The following NUP210 variants were observed in gnomAD, a reference collection of about 807,000 sequenced individuals.
NUP210 encodes nuclear pore membrane glycoprotein 210.
Under a neutral mutation model 196.0 loss-of-function variants are expected in NUP210, and 151 were observed. That is an observed-to-expected ratio of 0.77 (90% CI 0.67 to 0.88). The LOEUF is 0.88. Ranked by LOEUF, NUP210 falls within the 40% of genes least tolerant of loss-of-function variation. NUP210 has a pLI of 0.00. For synonymous variants in NUP210, 1,070 were observed against 1,052.7 expected (o/e 1.02, Z -0.32); for missense variants, 2,314 against 2,493.7 (o/e 0.93, Z 1.53).
chr3:13,358,530 C>T, intron 15 of NUP210, 135 bp from the exon 16 acceptor site: 1 of 829,230 alleles, frequency 1.2e-6, no homozygotes, highest in Non-Finnish European at 1.9e-6. Context: ...GATACCCATG[C>T]CACAGGGTCT....
chr3:13,377,531 C>G lies in NUP210; in HGVS notation c.1077G>C (p.Val359=), dbSNP rs765947318. ...TTTCATACAGGCGGCCGGTCTCCAGCACCCACCTGTCACCAGGGTGAACAG... is the reference window on the plus strand; with the variant it reads ...TTTCATACAGGCGGCCGGTCTCCAGGACCCACCTGTCACCAGGGTGAACAG... The part of the protein sequence containing the change: ...GFTVHPGDRW[V]LETGRLYEIT... The change falls in exon 9 of 40, where the codon GTG becomes GTC. Residue 359 remains valine, a synonymous_variant. Transcript: ENST00000254508. 8 of 1,613,908 alleles carry G rather than the reference C, an allele frequency of 5.0e-6. No individual in the cohort carries two copies. Among genetic ancestry groups the G allele is most frequent in the Non-Finnish European group, 6.8e-6 (8 of 1,179,840 alleles).
intron 29 of NUP210, among the ~76,000 whole-genome samples, chr3:13,332,054 G>A (rs965444485): frequency 1.3e-5 from 2 of 152,020 alleles, no homozygotes; most frequent in African/African-American, 2.4e-5. Flanking sequence ...TTAGTACCTC[G>A]CATAAAAATG....
intron 1 of NUP210, among the ~76,000 whole-genome samples, chr3:13,417,921 GA>G (rs1442937144): frequency 1.7e-4 from 26 of 152,196 alleles, no homozygotes; most frequent in African/African-American, 5.3e-4. Flanking sequence ...TGTTGGGGGG[GA>G]AAAAAGTGTT....
In NUP210 at chr3:13,325,874, G is replaced by A. The variant is rs369280391; in HGVS notation, c.4565C>T (p.Thr1522Met). The A allele has an allele frequency of 4.3e-5, 70 of 1,614,070 alleles. No homozygotes were observed. Among genetic ancestry groups the A allele is most frequent in the Admixed American group, 1.5e-4 (9 of 60,032 alleles). Reference protein sequence around the residue: ...ANSILHIDPKTGVAVARAVGS... With the variant: ...ANSILHIDPKMGVAVARAVGS... The stretch of plus-strand genomic sequence containing the variant: ...CACGGCCCGGGCCACAGCCACACCC[G>A]TCTTGGGGTCGATGTGGAGGATGCT... The change falls in exon 33 of 40, where the codon ACG becomes ATG. Residue 1522 changes from threonine to methionine, a missense_variant. Physicochemically the swap from Thr to Met is moderately conservative, Grantham distance 81. Transcript: ENST00000254508.
chr3:13,410,927 A>AAT (rs1553605234), intron 1 of NUP210, among the ~76,000 whole-genome samples: 14,240 of 147,502 alleles, frequency 0.097, 910 homozygotes, highest in African/African-American at 0.17. Context: ...CAAAAAAAAA[A>AAT]AAAAAAAAAA....
In NUP210 at chr3:13,319,324, A is replaced by G. The variant is rs780064855; in HGVS notation, c.5385T>C (p.Tyr1795=). ...FVVDRRGPGP[Y]GASLFQHFLD... is the part of the protein sequence containing the mutation. ...GGAAGTGCTGGAAGAGGCTGGCTCCATCTGCCATCAATGGGAAGATGAGTT... is the reference window on the plus strand; with the variant it reads ...GGAAGTGCTGGAAGAGGCTGGCTCCGTCTGCCATCAATGGGAAGATGAGTT... The change falls in exon 38 of 40, where the codon TAT becomes TAC. Residue 1795 remains tyrosine, a splice_region_variant and synonymous_variant. Transcript: ENST00000254508. 16 of 1,606,986 alleles carry G rather than the reference A, an allele frequency of 1.0e-5. No homozygotes were observed. The highest frequency in any genetic ancestry group is 1.2e-5 in the Non-Finnish European group (14 of 1,176,284).
rs1334319117 is a variant in NUP210 at position 13,339,987 on chromosome 3, G to C, written c.3338C>G (p.Ser1113Cys). 1 of 1,614,086 alleles carries C rather than the reference G, an allele frequency of 6.2e-7. No individual in the cohort carries two copies. Residue 1113 changes from serine to cysteine, a missense_variant, in exon 25 of 40, where the codon TCC becomes TGC. Physicochemically the swap from Ser to Cys is moderately radical, Grantham distance 112. Transcript: ENST00000254508. ...GPQPQSNILF[S>C]ISNESVALVS... ...CAGCGCAACGCTCTCATTGCTGATG[G>C]AGAAAAGGATGTTGGACTGAGGCTG...
intron 8 of NUP210, 41 bp downstream of exon 8, chr3:13,378,871 A>G: frequency 3.5e-6 from 5 of 1,424,230 alleles, no homozygotes; most frequent in Non-Finnish European, 5.0e-6. Context: ...TATAGTCACA[A>G]CTGAGCAGCA....
At chr3:13,412,717 TAAA>T (rs752721758) in intron 1 of NUP210, among the ~76,000 whole-genome samples, 1 of 137,716 alleles carries the variant, frequency 7.3e-6, no homozygotes. Context: ...CCATCTCAAT[TAAA>T]AAAAAAAAAG....
In NUP210 at chr3:13,328,838, G is replaced by A; in HGVS notation, c.4219C>T (p.His1407Tyr). Residue 1407 changes from histidine (H) to tyrosine (Y), a missense_variant, in exon 31 of 40, where the codon CAC (histidine) becomes TAC (tyrosine). His to Tyr is a moderately conservative substitution (Grantham distance 83, BLOSUM62 2). Coordinates refer to ENST00000254508, the MANE Select transcript of NUP210 (RefSeq NM_024923.4). ...ACATCTCCAGAGTTGTCGTGGAAGT[G>A]GACAGTGAAGGTCACGGTCATTCCC... Reference protein sequence around the residue: ...PLGMTVTFTVHFHDNSGDVFH... With the variant: ...PLGMTVTFTVYFHDNSGDVFH... The A allele has an allele frequency of 6.2e-7, 1 of 1,614,174 alleles. No individual in the cohort carries two copies. Among genetic ancestry groups the A allele is most frequent in the Non-Finnish European group, 8.5e-7 (1 of 1,179,988 alleles).
At chr3:13,373,336 G>T (rs1308757887) in intron 12 of NUP210, among the ~76,000 whole-genome samples, 1 of 152,248 alleles carries the variant, frequency 6.6e-6, no homozygotes, top group Non-Finnish European at 1.5e-5. Flanking sequence ...TGAAGAGAGA[G>T]GAGTCTGGCC....
chr3:13,405,200 C>T (rs1336785298), intron 1 of NUP210, among the ~76,000 whole-genome samples: 3 of 152,162 alleles, frequency 2.0e-5, no homozygotes, highest in Non-Finnish European at 1.5e-5. Flanking sequence ...AAAGTAGATG[C>T]CACCTAATGT....
At chr3:13,413,901 A>G (rs9849361) in intron 1 of NUP210, among the ~76,000 whole-genome samples, 40,384 of 152,242 alleles carry the variant, frequency 0.27, 8,405 homozygotes, top group African/African-American at 0.58. Flanking sequence ...AACCACATAC[A>G]GACACCAGAA....
intron 29 of NUP210, among the ~76,000 whole-genome samples, chr3:13,330,865 T>C (rs1486280838): frequency 1.3e-5 from 2 of 152,170 alleles, no homozygotes; most frequent in Non-Finnish European, 2.9e-5. Context: ...AAGTGTGGCG[T>C]CTCACTCTTC....
rs1019747390 is a variant in NUP210, at chr3:13,360,118, C to T, written c.2154+152G>A. On this transcript the variant is annotated intron_variant, in intron 15 of 39. Transcript: ENST00000254508. ...GCGTTCATTGAGTCACATTCCACCT[C>T]ACCACGCCTCAGTTTGCCTGTCTGT... is the stretch of plus-strand genomic sequence containing the variant. The T allele has an allele frequency of 2.1e-5, 14 of 675,564 alleles. No individual in the cohort carries two copies. The East Asian group carries it at 2.7e-4, about 13-fold the overall frequency. 41.8% of individuals were successfully genotyped at this position (675,564 alleles called of 1,614,324 possible). A position where few individuals can be genotyped will look rare whatever the true frequency, so the allele number is the denominator to read the frequency against.
At chr3:13,400,493 G>A (rs1055735263) in intron 1 of NUP210, among the ~76,000 whole-genome samples, 3 of 152,232 alleles carry the variant, frequency 2.0e-5, no homozygotes, top group Middle Eastern at 3.2e-3. Flanking sequence ...GATAACAGGA[G>A]GAAGGATAAC....
At chr3:13,375,776 G>T in intron 10 of NUP210, 135 bp from the exon 11 acceptor site, 2 of 889,804 alleles carry the variant, frequency 2.2e-6, no homozygotes, top group Non-Finnish European at 3.5e-6. Flanking sequence ...AGAGGAAGGT[G>T]CCAGACACCC....
intron 16 of NUP210, among the ~76,000 whole-genome samples, chr3:13,356,548 C>T (rs1459390617): frequency 6.6e-6 from 1 of 152,182 alleles, no homozygotes; most frequent in Non-Finnish European, 1.5e-5. Context: ...GAGGCTGAGG[C>T]AGGAGAATCA....
At chr3:13,325,720 C>T (rs1696721079) in intron 33 of NUP210, 75 bp downstream of exon 33, 2 of 1,555,616 alleles carry the variant, frequency 1.3e-6, no homozygotes, top group African/African-American at 1.4e-5. Flanking sequence ...GAAAAGTCTT[C>T]ATAATCCTCC....
Sources: allele counts gnomAD v4.1 joint callset (sites outside exome capture counted in the v4.1 genomes callset), GRCh38; gene constraint gnomAD v4.1.1; transcripts MANE v1.5; gene names NCBI Gene and HGNC (gene_info 2026-07-23, HGNC 2026-07-21).